C8orf34: variants seen among roughly 807,000 people sequenced by gnomAD.
C8orf34 encodes chromosome 8 open reading frame 34, also known as uncharacterized protein C8orf34.
Under a neutral mutation model 68.3 loss-of-function variants are expected in C8orf34, and 65 were observed. The observed-to-expected ratio is 0.95, with a 90% CI of 0.78 to 1.17. The LOEUF is 1.17. Among genes scored for constraint, C8orf34 ranks in the 50% most tolerant of loss-of-function variants. The pLI, the probability that C8orf34 is intolerant of heterozygous loss-of-function variation, is 0.00. For missense variants in C8orf34, 664 were observed against 655.4 expected (o/e 1.01, Z -0.14); for synonymous variants, 244 against 241.2 (o/e 1.01, Z -0.11).
rs138233340 is a variant in C8orf34, at chr8:68,564,807, A to G, written c.1105+31658A>G. On this transcript the variant is annotated intron_variant, in intron 7 of 13. Coordinates refer to ENST00000518698, the MANE Select transcript of C8orf34 (RefSeq NM_052958.4). ...CAGATATTTGGATTTAATGGAATCTATAGGGTTGGATTGTTCTTCTGAAGT... is the reference window on the plus strand; with the variant it reads ...CAGATATTTGGATTTAATGGAATCTGTAGGGTTGGATTGTTCTTCTGAAGT... Among the ~76,000 whole-genome samples the G allele has an allele frequency of 7.9e-3, 1,198 of 152,334 alleles. 19 individuals carry two copies. The highest frequency in any genetic ancestry group is 0.027 in the African/African-American group (1,111 of 41,582).
At chr8:68,735,324 T>C (rs1266120120) in intron 10 of C8orf34, among the ~76,000 whole-genome samples, 1 of 152,228 alleles carries the variant, frequency 6.6e-6, no homozygotes, top group Non-Finnish European at 1.5e-5. Context: ...AAACAAACTT[T>C]GAAATTACCC....
At chr8:68,369,011 A>G (rs990511878) in intron 1 of C8orf34, among the ~76,000 whole-genome samples, 1 of 152,180 alleles carries the variant, frequency 6.6e-6, no homozygotes, top group Non-Finnish European at 1.5e-5. Context: ...TGGATAATGC[A>G]AGGATTTTAG....
chr8:68,460,264 G>C (rs1474274530), intron 3 of C8orf34, among the ~76,000 whole-genome samples: 1 of 152,222 alleles, frequency 6.6e-6, no homozygotes, highest in Non-Finnish European at 1.5e-5. Flanking sequence ...GCCCAGGCTT[G>C]CTTAGGTAAA....
At chr8:68,491,628 G>A (rs1449438040) in intron 5 of C8orf34, among the ~76,000 whole-genome samples, 1 of 152,146 alleles carries the variant, frequency 6.6e-6, no homozygotes, top group Admixed American at 6.6e-5. Flanking sequence ...AGGCCACCTG[G>A]CTAATGCAGA....
intron 1 of C8orf34, among the ~76,000 whole-genome samples, chr8:68,390,306 GAGAAA>G (rs1212279021): frequency 2.6e-5 from 4 of 152,078 alleles, no homozygotes; most frequent in Non-Finnish European, 5.9e-5. Flanking sequence ...TTCGTTTCCT[GAGAAA>G]AGAAAAGTTT....
chr8:68,731,076 G>C (rs1457374983), intron 10 of C8orf34, among the ~76,000 whole-genome samples: 1 of 152,120 alleles, frequency 6.6e-6, no homozygotes, highest in Non-Finnish European at 1.5e-5. Context: ...TATGACTTGT[G>C]CAGGATGTGT....
intron 12 of C8orf34, among the ~76,000 whole-genome samples, chr8:68,801,987 C>T (rs369412038): frequency 3.3e-5 from 5 of 151,974 alleles, no homozygotes; most frequent in South Asian, 4.2e-4. Context: ...TACAATCATT[C>T]ATACAATAAT....
intron 1 of C8orf34, among the ~76,000 whole-genome samples, chr8:68,396,021 A>G (rs994613077): frequency 6.6e-6 from 1 of 152,082 alleles, no homozygotes; most frequent in African/African-American, 2.4e-5. Flanking sequence ...CAACTCTTAC[A>G]CCAAATGGCA....
In C8orf34 at chr8:68,447,940, T is replaced by C. The variant is rs531945310; in HGVS notation, c.607+1480T>C. Reference sequence around the variant, plus strand: ...TTTTACAACAGTATAGCCAGTAATATCCAGCACAGTGCCTGTTTCAATTAA... The same window carrying C: ...TTTTACAACAGTATAGCCAGTAATACCCAGCACAGTGCCTGTTTCAATTAA... On this transcript the variant is annotated intron_variant, in intron 3 of 13. Transcript: ENST00000518698. The C allele has an allele frequency of 5.3e-5, 8 of 152,210 alleles. 1 individual carries two copies. Among genetic ancestry groups the C allele is most frequent in the Middle Eastern group, 3.4e-3 (1 of 294 alleles). The allele number at this position is 152,210 out of a possible 1,614,324, so 9.4% of individuals were successfully genotyped here.
At chr8:68,586,101 T>TA (rs1817202885) in intron 7 of C8orf34, among the ~76,000 whole-genome samples, 1 of 152,006 alleles carries the variant, frequency 6.6e-6, no homozygotes, top group African/African-American at 2.4e-5. Context: ...TATATATATG[T>TA]AAAAATGAGC....
chr8:68,714,884 G>C (rs974176653), intron 9 of C8orf34, among the ~76,000 whole-genome samples: 2 of 152,212 alleles, frequency 1.3e-5, no homozygotes, highest in East Asian at 3.9e-4. Context: ...ATACTATAAG[G>C]CCATAGTTAC....
intron 10 of C8orf34, among the ~76,000 whole-genome samples, chr8:68,773,428 T>C (rs999274986): frequency 2.0e-5 from 3 of 152,046 alleles, no homozygotes; most frequent in African/African-American, 7.2e-5. Flanking sequence ...TGGGACGGAG[T>C]CTTGCTCCGT....
At chr8:68,768,330 T>C (rs947648709) in intron 10 of C8orf34, among the ~76,000 whole-genome samples, 1 of 152,174 alleles carries the variant, frequency 6.6e-6, no homozygotes, top group African/African-American at 2.4e-5. Context: ...AGCTGATTTT[T>C]TTAAAAGTCT....
At chr8:68,626,312 A>T (rs2130668831) in intron 7 of C8orf34, among the ~76,000 whole-genome samples, 1 of 152,320 alleles carries the variant, frequency 6.6e-6, no homozygotes, top group South Asian at 2.1e-4. Flanking sequence ...ATTTGAAATC[A>T]AAGACAAAAT....
chr8:68,338,412 C>G (rs1805938573), intron 1 of C8orf34, among the ~76,000 whole-genome samples: 1 of 152,118 alleles, frequency 6.6e-6, no homozygotes. Flanking sequence ...TTGGAACAGG[C>G]TCCTCATATG....
chr8:68,433,832 T>G (rs903165617), intron 1 of C8orf34, among the ~76,000 whole-genome samples: 1 of 152,198 alleles, frequency 6.6e-6, no homozygotes, highest in African/African-American at 2.4e-5. Context: ...AATAAGTGAG[T>G]CTATGATGAG....
At chr8:68,355,865 G>A (rs1806724802) in intron 1 of C8orf34, among the ~76,000 whole-genome samples, 1 of 152,100 alleles carries the variant, frequency 6.6e-6, no homozygotes, top group African/African-American at 2.4e-5. Context: ...TCTCAGAGAG[G>A]CAACTTGGAT....
At chr8:68,471,240 G>C (rs1380734503) in intron 4 of C8orf34, among the ~76,000 whole-genome samples, 1 of 152,096 alleles carries the variant, frequency 6.6e-6, no homozygotes, top group African/African-American at 2.4e-5. Context: ...TGTGAGTTAA[G>C]AGGATGGTTG....
At chr8:68,680,343 CACCCCCAATATTTCAATGT>C (rs1820330855) in intron 8 of C8orf34, among the ~76,000 whole-genome samples, 2 of 152,120 alleles carry the variant, frequency 1.3e-5, no homozygotes, top group Admixed American at 6.6e-5. Context: ...CAGGGGAAAC[CACCCCCAATATTTCAATGT>C]AGGTTCTTTC....
Sources: gnomAD v4.1 joint callset for allele counts (sites outside exome capture counted in the v4.1 genomes callset) on GRCh38, gnomAD v4.1.1 for gene constraint, MANE v1.5 for transcripts, NCBI Gene and HGNC (gene_info 2026-07-23, HGNC 2026-07-21) for gene names.